The following DLGAP1 variants were observed in gnomAD, a reference collection of about 807,000 sequenced individuals.
DLGAP1 encodes disks large-associated protein 1.
In DLGAP1, 11 loss-of-function variants were observed where a neutral mutation model predicts 90.8. The ratio of observed to expected loss-of-function variants is 0.12; its 90% CI spans 0.08 to 0.20. The LOEUF (loss-of-function observed/expected upper bound fraction) is 0.20, where lower values mean the gene tolerates loss of function less well. DLGAP1 is among the 10% of genes least tolerant of loss of function. The pLI, the probability that DLGAP1 is intolerant of heterozygous loss-of-function variation, is 1.00. For missense variants in DLGAP1, 1,050 were observed against 1,333.8 expected (o/e 0.79, Z 3.31); for synonymous variants, 558 against 540.7 (o/e 1.03, Z -0.44).
chr18:4,248,652 C>G (rs1012721149), intron 1 of DLGAP1: 1 of 152,300 alleles, frequency 6.6e-6, no homozygotes, highest in Non-Finnish European at 1.5e-5. Flanking sequence ...GTCATCTCCA[C>G]CTGGATGTCT....
intron 2 of DLGAP1, among the ~76,000 whole-genome samples, chr18:4,036,745 G>T (rs1163626815): frequency 2.0e-5 from 3 of 152,050 alleles, no homozygotes; most frequent in Admixed American, 1.3e-4. Flanking sequence ...AATTTTTCAG[G>T]GGGGGAAGGC....
At chr18:3,569,503 T>C (rs1015700797) in intron 8 of DLGAP1, among the ~76,000 whole-genome samples, 3 of 152,044 alleles carry the variant, frequency 2.0e-5, no homozygotes, top group Non-Finnish European at 4.4e-5. Flanking sequence ...TTGCCCTTCA[T>C]TGGAGAGAGT....
At chr18:4,325,985 T>C (rs546134116) in intron 1 of DLGAP1, among the ~76,000 whole-genome samples, 6 of 152,122 alleles carry the variant, frequency 3.9e-5, no homozygotes, top group East Asian at 3.9e-4. Flanking sequence ...ACAAAAGCAA[T>C]TGCAACAAAA....
rs896157172 is a variant in DLGAP1 at position 3,800,105 on chromosome 18, T to C, written c.1172+13954A>G. Reference sequence around the variant, plus strand: ...AGAACCCAGTCTTCCCAGCAGGGAATTGGAACAGCAGGTTTTATGATTATA... The same window carrying C: ...AGAACCCAGTCTTCCCAGCAGGGAACTGGAACAGCAGGTTTTATGATTATA... On this transcript the variant is annotated intron_variant, in intron 5 of 12. Transcript: ENST00000315677. Among the ~76,000 whole-genome samples, 8 of 152,206 alleles carry C rather than the reference T, an allele frequency of 5.3e-5. No homozygotes were observed. In the East Asian group the frequency reaches 1.3e-3, roughly 26 times the overall value.
intron 3 of DLGAP1, among the ~76,000 whole-genome samples, chr18:3,956,217 G>A (rs9951989): frequency 0.91 from 138,397 of 152,286 alleles, 63,856 homozygotes; most frequent in East Asian, 1. Context: ...TTAAAATGGT[G>A]GTAGATTGCT....
At chr18:3,880,370 C>T (rs2071124258) in intron 3 of DLGAP1, among the ~76,000 whole-genome samples, 1 of 151,828 alleles carries the variant, frequency 6.6e-6, no homozygotes, top group Non-Finnish European at 1.5e-5. Flanking sequence ...GAGAGGAGGT[C>T]TCACTATATT....
intron 9 of DLGAP1, among the ~76,000 whole-genome samples, chr18:3,547,450 A>G (rs536937655): frequency 1.5e-4 from 23 of 152,100 alleles, no homozygotes; most frequent in African/African-American, 5.3e-4. Flanking sequence ...ATTAAAAAAT[A>G]GGCATACGAC....
At chr18:4,217,246 A>G (rs1367803250) in intron 1 of DLGAP1, among the ~76,000 whole-genome samples, 1 of 151,866 alleles carries the variant, frequency 6.6e-6, no homozygotes, top group African/African-American at 2.4e-5. Context: ...ATAATACTTC[A>G]CTCTATTTTT....
At chr18:4,258,657 T>C (rs1423599393) in intron 1 of DLGAP1, among the ~76,000 whole-genome samples, 2 of 152,070 alleles carry the variant, frequency 1.3e-5, no homozygotes, top group Non-Finnish European at 2.9e-5. Context: ...ATGTTGTGAG[T>C]TGGATAAAAT....
intron 1 of DLGAP1, among the ~76,000 whole-genome samples, chr18:4,154,243 T>A (rs558896681): frequency 6.2e-4 from 93 of 150,472 alleles, no homozygotes; most frequent in Middle Eastern, 3.5e-3. Context: ...TTTTTTTTTT[T>A]AATTTCTCGT....
intron 1 of DLGAP1, among the ~76,000 whole-genome samples, chr18:4,289,953 C>T (rs1448750670): frequency 1.3e-5 from 2 of 152,130 alleles, no homozygotes; most frequent in African/African-American, 4.8e-5. Flanking sequence ...ATCTTTGAGA[C>T]TCTTCATCTT....
At chr18:3,903,311 C>A (rs966310333) in intron 3 of DLGAP1, among the ~76,000 whole-genome samples, 4 of 152,112 alleles carry the variant, frequency 2.6e-5, no homozygotes, top group African/African-American at 9.7e-5. Flanking sequence ...GTAATTGACT[C>A]AATTAGATCA....
intron 2 of DLGAP1, among the ~76,000 whole-genome samples, chr18:4,149,677 T>C (rs1344701328): frequency 1.3e-5 from 2 of 152,228 alleles, no homozygotes; most frequent in Non-Finnish European, 2.9e-5. Context: ...TAAATTCTCA[T>C]AGGAGCATGA....
At chr18:4,267,909 G>A (rs1414057351) in intron 1 of DLGAP1, among the ~76,000 whole-genome samples, 1 of 152,182 alleles carries the variant, frequency 6.6e-6, no homozygotes, top group Non-Finnish European at 1.5e-5. Context: ...CAAAATATAC[G>A]ATGCAGTGCC....
chr18:3,568,803 C>T (rs1218090582), intron 8 of DLGAP1, among the ~76,000 whole-genome samples: 1 of 151,994 alleles, frequency 6.6e-6, no homozygotes, highest in African/African-American at 2.4e-5. Context: ...TCTCCTGCCT[C>T]AGCTTCCCAA....
In DLGAP1 at chr18:3,496,584, C is replaced by G. The variant is rs2049703766; in HGVS notation, c.*2601G>C. ...AGACAAACTTCTTTTGTAATCCCCCCCTCCCCAAGAAAATGCCCAACACCT... is the reference window on the plus strand; with the variant it reads ...AGACAAACTTCTTTTGTAATCCCCCGCTCCCCAAGAAAATGCCCAACACCT... On this transcript the variant is annotated 3_prime_UTR_variant, in exon 13 of 13. Coordinates refer to ENST00000315677, the MANE Select transcript of DLGAP1 (RefSeq NM_004746.4). 6.6e-6 allele frequency: 1 copy of G among 152,054 alleles called. No individual in the cohort carries two copies. Among genetic ancestry groups the G allele is most frequent in the Non-Finnish European group, 1.5e-5 (1 of 68,018 alleles). 9.4% of individuals were successfully genotyped at this position (152,054 alleles called of 1,614,324 possible). A position where few individuals can be genotyped will look rare whatever the true frequency, so the allele number is the denominator to read the frequency against.
At chr18:4,058,026 C>T (rs1410975859) in intron 2 of DLGAP1, among the ~76,000 whole-genome samples, 1 of 152,178 alleles carries the variant, frequency 6.6e-6, no homozygotes, top group Admixed American at 6.5e-5. Context: ...ACTAAGTAGA[C>T]CTGAGGCACT....
At position 3,879,219 on chromosome 18, in the gene DLGAP1, T is replaced by C. The variant is rs200178260; in HGVS notation, c.850A>G (p.Thr284Ala). 1.3e-5 allele frequency: 21 copies of C among 1,576,170 alleles called. No individual in the cohort carries two copies. In the East Asian group the frequency reaches 1.4e-4, roughly 10 times the overall value. ...LKKSAWSSTLTVSRAREVYQK... is the reference protein window; with the variant it reads ...LKKSAWSSTLAVSRAREVYQK... ...TAAACCTCCCGGGCCCGGCTCACGG[T>C]GAGCGTGGAGGACCAGGCGCTCTTC... Residue 284 changes from threonine to alanine, a missense_variant, in exon 4 of 13, where the codon ACC becomes GCC. Transcript: ENST00000315677. The surrounding 1 kb of genome is among the most constrained non-coding windows in gnomAD (Gnocchi z 6.6).
intron 2 of DLGAP1, among the ~76,000 whole-genome samples, chr18:4,040,723 T>C (rs1252201237): frequency 6.6e-6 from 1 of 152,214 alleles, no homozygotes; most frequent in Non-Finnish European, 1.5e-5. Context: ...GAAGACAATG[T>C]CTTGGAAGCT....
Sources: gnomAD v4.1 joint callset for allele counts (sites outside exome capture counted in the v4.1 genomes callset) on GRCh38, gnomAD v4.1.1 for gene constraint, Gnocchi (gnomAD v3.1) non-coding constraint, MANE v1.5 for transcripts, NCBI Gene and HGNC (gene_info 2026-07-23, HGNC 2026-07-21) for gene names.